The following GALC variants were observed in gnomAD, a reference collection of about 807,000 sequenced individuals.
GALC encodes the protein galactosylceramidase.
A neutral mutation model predicts 91.8 loss-of-function variants in GALC; 77 were observed. The observed-to-expected ratio is 0.84, with a 90% CI of 0.70 to 1.01. The LOEUF is 1.01. Among genes scored for constraint, GALC ranks in the 50% least tolerant of loss-of-function variants. GALC has a pLI of 0.00. For synonymous variants in GALC, 357 were observed against 306.7 expected (o/e 1.16, Z -1.71); for missense variants, 882 against 855.9 (o/e 1.03, Z -0.38).
intron 6 of GALC, chr14:87,980,529 A>G: frequency 3.1e-6 from 3 of 977,402 alleles, no homozygotes; most frequent in Non-Finnish European, 3.6e-6. Flanking sequence ...TTCTTTGCAC[A>G]TGATATGCCC....
intron 16 of GALC, among the ~76,000 whole-genome samples, 178 bp downstream of exon 16, chr14:87,939,727 T>C (rs1274685588): frequency 6.6e-5 from 10 of 151,884 alleles, no homozygotes; most frequent in Admixed American, 1.3e-4. Flanking sequence ...GGTTCTCACA[T>C]AGGTTACCCT....
At chr14:87,937,741 G>A (rs1452435606) in intron 16 of GALC, among the ~76,000 whole-genome samples, 2 of 151,174 alleles carry the variant, frequency 1.3e-5, no homozygotes, top group Non-Finnish European at 2.9e-5. Context: ...CAAAGTACCT[G>A]AAAAAAATTA....
chr14:87,992,588 T>C lies in GALC; in HGVS notation c.195+382A>G, dbSNP rs991134157. ...CGCACACGGACGCTCCCGCACTCCC[T>C]GGCCCTTTCTGGAGCGACGCTCCCC... On this transcript the variant is annotated intron_variant, in intron 1 of 16. Transcript: ENST00000261304. The C allele has an allele frequency of 1.6e-5, 23 of 1,463,330 alleles. No homozygotes were observed. The South Asian group carries it at 2.7e-4, about 17-fold the overall frequency. The allele number at this position is 1,463,330 out of a possible 1,614,324, so 90.6% of individuals were successfully genotyped here.
intron 7 of GALC, among the ~76,000 whole-genome samples, chr14:87,970,171 A>G (rs764969739): frequency 9.2e-5 from 14 of 152,144 alleles, no homozygotes; most frequent in Non-Finnish European, 1.8e-4. Flanking sequence ...TTGGTACCTC[A>G]GCCAAATGTT....
Position 87,933,260 on chromosome 14 carries a change from A to G in GALC, c.*1472T>C, listed in dbSNP as rs1884435246. 6.6e-6 allele frequency: 1 copy of G among 152,582 alleles called. No homozygotes were observed. Among genetic ancestry groups the G allele is most frequent in the Admixed American group, 6.6e-5 (1 of 15,260 alleles). The allele number at this position is 152,582 out of a possible 1,614,324, so 9.5% of individuals were successfully genotyped here. A position where few individuals can be genotyped will look rare whatever the true frequency, so the allele number is the denominator to read the frequency against. The stretch of plus-strand genomic sequence containing the variant: ...ACTAACCTATAGTGATAGAATTCCT[A>G]TCAATGGCTGCCAACAATTGGGAGT... On this transcript the variant is annotated 3_prime_UTR_variant, in exon 17 of 17. Transcript: ENST00000261304.
intron 13 of GALC, 32 bp downstream of exon 13, chr14:87,947,696 G>C: frequency 6.3e-7 from 1 of 1,598,302 alleles, no homozygotes; most frequent in South Asian, 1.1e-5. Context: ...TAAATATAGA[G>C]ACCAAGTTAA....
At chr14:87,938,606 A>T (rs1365417772) in intron 16 of GALC, among the ~76,000 whole-genome samples, 1 of 151,990 alleles carries the variant, frequency 6.6e-6, no homozygotes, top group African/African-American at 2.4e-5. Flanking sequence ...TCCATTTTTT[A>T]AAAAATTATA....
upstream of GALC, chr14:87,993,285 C>T (rs1364383567): frequency 1.6e-5 from 24 of 1,539,248 alleles, no homozygotes; most frequent in East Asian, 2.4e-5. Flanking sequence ...GGTCAAGGGC[C>T]TCTGACGCAG....
intron 3 of GALC, chr14:87,987,141 C>G: frequency 2.3e-6 from 1 of 431,826 alleles, no homozygotes; most frequent in Non-Finnish European, 4.5e-6. Flanking sequence ...ATACTAACAT[C>G]TGCAGTTAGT....
intron 1 of GALC, chr14:87,992,169 T>C (rs1206805905): frequency 1.1e-6 from 1 of 914,558 alleles, no homozygotes; most frequent in African/African-American, 1.6e-5. Context: ...TTCAAGCTTG[T>C]TCTGAGTTGA....
rs538326949 is a variant in GALC, at chr14:87,981,785, CAT to C, written c.621+418_621+419del. 3.3e-3 allele frequency among the ~76,000 whole-genome samples: 506 copies of C among 152,120 alleles called. 2 individuals carry two copies. Among genetic ancestry groups the C allele is most frequent in the African/African-American group, 0.012 (483 of 41,534 alleles). ...CCTCTTTGCTAATCACAAAGAGAAA[CAT>C]GTACTATAACACACTCCAATAGAAA... On this transcript the variant is annotated intron_variant, in intron 6 of 16. Coordinates refer to ENST00000261304, the MANE Select transcript of GALC (RefSeq NM_000153.4).
At position 87,934,059 on chromosome 14, in the gene GALC, A is replaced by T. The variant is rs1480040201; in HGVS notation, c.*673T>A. On this transcript the variant is annotated 3_prime_UTR_variant, in exon 17 of 17. Transcript: ENST00000261304. ...CAAGACCAAAACTTGGAATCAAAAA[A>T]ATTAAATAATGCAAATAACCCAATT... The T allele has an allele frequency of 3.3e-6, 5 of 1,531,910 alleles. No individual in the cohort carries two copies. In the African/African-American group the frequency reaches 6.9e-5, roughly 21 times the overall value. 94.9% of individuals were successfully genotyped at this position (1,531,910 alleles called of 1,614,324 possible). A position where few individuals can be genotyped will look rare whatever the true frequency, so the allele number is the denominator to read the frequency against.
At chr14:87,993,491 C>T, upstream of GALC, 1 of 1,535,112 alleles carries the variant, frequency 6.5e-7, no homozygotes, top group Non-Finnish European at 8.7e-7. Flanking sequence ...CATGGCTCTT[C>T]CCCAGCATCT....
intron 10 of GALC, chr14:87,954,635 C>A: frequency 6.3e-7 from 1 of 1,581,718 alleles, no homozygotes; most frequent in Non-Finnish European, 8.7e-7. Flanking sequence ...CTTAGCAACC[C>A]ACCTAGAGGA....
chr14:87,986,386 A>C, intron 4 of GALC, 103 bp downstream of exon 4: 1 of 762,612 alleles, frequency 1.3e-6, no homozygotes, highest in Non-Finnish European at 2.3e-6. Flanking sequence ...CATTAATGAC[A>C]TTATGAGTAC....
In GALC at chr14:87,934,884, G is replaced by GTAGA. The variant is rs2139926060; in HGVS notation, c.1912-10_1912-7dup. On this transcript the variant is annotated splice_region_variant and splice_polypyrimidine_tract_variant and intron_variant, in intron 16 of 16. Transcript: ENST00000261304. The stretch of plus-strand genomic sequence containing the variant: ...ATGCCAGAGGTGAAATGACCCTAGA[G>GTAGA]TAGAAAGAAACACATTCCTTGAAAC... 1 of 1,596,414 alleles carries GTAGA rather than the reference G, an allele frequency of 6.3e-7. No individual in the cohort carries two copies. The highest frequency in any genetic ancestry group is 8.6e-7 in the Non-Finnish European group (1 of 1,164,286).
intron 10 of GALC, chr14:87,953,243 T>C (rs1885385240): frequency 2.0e-6 from 3 of 1,507,868 alleles, no homozygotes; most frequent in Non-Finnish European, 2.8e-6. Flanking sequence ...TCCAGCCAGG[T>C]TGCTTTTTTA....
At position 87,975,417 on chromosome 14, in the gene GALC, A is replaced by G. The variant is rs1374968670; in HGVS notation, c.752+941T>C. 2.0e-5 allele frequency among the ~76,000 whole-genome samples: 3 copies of G among 152,184 alleles called. No homozygotes were observed. The East Asian group carries it at 5.8e-4, about 29-fold the overall frequency. ...TAATGGATATTTAATATCAAAAACT[A>G]TTACATTTTAGGTATAATAATGGTA... On this transcript the variant is annotated intron_variant, in intron 7 of 16. Coordinates refer to ENST00000261304, the MANE Select transcript of GALC (RefSeq NM_000153.4).
At chr14:87,941,786 A>G (rs1240032132) in intron 14 of GALC, among the ~76,000 whole-genome samples, 1 of 152,016 alleles carries the variant, frequency 6.6e-6, no homozygotes, top group African/African-American at 2.4e-5. Context: ...ATTACTGGAC[A>G]ATAATAGTTA....
Sources: gnomAD v4.1 joint callset for allele counts (sites outside exome capture counted in the v4.1 genomes callset) on GRCh38, gnomAD v4.1.1 for gene constraint, MANE v1.5 for transcripts, NCBI Gene and HGNC (gene_info 2026-07-23, HGNC 2026-07-21) for gene names.